Variants in DNAH7 observed in about 807,000 individuals in gnomAD.
DNAH7 encodes dynein axonemal heavy chain 7.
DNAH7 carries 397 observed loss-of-function variants against 444.6 expected under a neutral mutation model. The ratio of observed to expected loss-of-function variants is 0.89; its 90% CI spans 0.82 to 0.97. DNAH7 has a LOEUF of 0.97. Ranked by LOEUF, DNAH7 falls within the 50% of genes least tolerant of loss-of-function variation. DNAH7 has a pLI of 0.00. For missense variants in DNAH7, 4,902 were observed against 4,800.8 expected (o/e 1.02, Z -0.62); for synonymous variants, 1,636 against 1,624.4 (o/e 1.01, Z -0.17).
chr2:195,898,380 TAA>T (rs1686465827), intron 28 of DNAH7, among the ~76,000 whole-genome samples: 1 of 152,092 alleles, frequency 6.6e-6, no homozygotes, highest in Non-Finnish European at 1.5e-5. Flanking sequence ...GATAAATTTT[TAA>T]GTTTTTCTTC....
intron 17 of DNAH7, among the ~76,000 whole-genome samples, chr2:195,963,000 C>T (rs1490589450): frequency 6.6e-6 from 1 of 152,170 alleles, no homozygotes; most frequent in Admixed American, 6.5e-5. Flanking sequence ...ACCACATTTT[C>T]TTTATCTATT....
Position 195,923,825 on chromosome 2 carries a change from A to G in DNAH7, c.3613-18T>C, listed in dbSNP as rs1341647806. 12 of 1,607,332 alleles carry G rather than the reference A, an allele frequency of 7.5e-6. No homozygotes were observed. Among genetic ancestry groups the G allele is most frequent in the Non-Finnish European group, 1.0e-5 (12 of 1,174,254 alleles). On this transcript the variant is annotated intron_variant, in intron 22 of 64. Transcript: ENST00000312428. ...TCAAGAGCCTGAAAGAAAAGAAAAT[A>G]AGATATGATTTCCCAATGTGATCAA...
intron 12 of DNAH7, among the ~76,000 whole-genome samples, chr2:195,990,838 CAT>C (rs1368517374): frequency 2.4e-5 from 3 of 122,578 alleles, no homozygotes; most frequent in African/African-American, 3.2e-5. Flanking sequence ...AATATATATA[CAT>C]ATATATACTT....
chr2:195,815,379 G>T (rs1034731859), intron 51 of DNAH7, among the ~76,000 whole-genome samples: 1 of 151,814 alleles, frequency 6.6e-6, no homozygotes, highest in Admixed American at 6.6e-5. Context: ...TCAAAGTGTC[G>T]GACTCACACC....
chr2:195,798,794 C>T (rs757375709), intron 55 of DNAH7, among the ~76,000 whole-genome samples: 13 of 152,014 alleles, frequency 8.6e-5, no homozygotes, highest in Non-Finnish European at 1.9e-4. Context: ...GATCTGCCCG[C>T]CTCGGCCTCC....
chr2:195,828,121 G>T (rs1312803760), intron 48 of DNAH7, among the ~76,000 whole-genome samples: 1 of 152,062 alleles, frequency 6.6e-6, no homozygotes, highest in East Asian at 1.9e-4. Flanking sequence ...ATCTCTTGGA[G>T]ATAAGAACTG....
chr2:195,839,196 A>C (rs1424621237), intron 47 of DNAH7, among the ~76,000 whole-genome samples: 1 of 151,894 alleles, frequency 6.6e-6, no homozygotes, highest in African/African-American at 2.4e-5. Context: ...ATAAATTTGA[A>C]ATTAAAAACA....
chr2:196,018,967 A>T (rs1519607), intron 9 of DNAH7, among the ~76,000 whole-genome samples: 1 of 151,868 alleles, frequency 6.6e-6, no homozygotes, highest in Admixed American at 6.6e-5. Context: ...TCAAAAAATT[A>T]AAAAATTTAA....
chr2:195,925,722 A>G (rs1046215587), intron 22 of DNAH7, among the ~76,000 whole-genome samples: 5 of 152,200 alleles, frequency 3.3e-5, no homozygotes, highest in African/African-American at 1.2e-4. Flanking sequence ...GACATTTCAA[A>G]TTCCATGTCA....
intron 21 of DNAH7, among the ~76,000 whole-genome samples, chr2:195,927,227 AAC>A (rs928788449): frequency 7.9e-5 from 12 of 152,176 alleles, no homozygotes; most frequent in African/African-American, 2.9e-4. Flanking sequence ...ATCGGTGGGA[AAC>A]ACACTAGTCT....
chr2:195,761,204 A>C (rs1694332722), intron 61 of DNAH7, among the ~76,000 whole-genome samples: 1 of 152,088 alleles, frequency 6.6e-6, no homozygotes, highest in South Asian at 2.1e-4. Context: ...TAATATGCTG[A>C]ATAATGCATC....
chr2:195,938,385 C>CACACACAA (rs1553569475), intron 19 of DNAH7, among the ~76,000 whole-genome samples: 3 of 148,710 alleles, frequency 2.0e-5, no homozygotes, highest in African/African-American at 7.5e-5. Flanking sequence ...CACACACAAA[C>CACACACAA]ACACACAGCA....
intron 33 of DNAH7, 83 bp from the exon 34 acceptor site, chr2:195,886,355 ATTTAAT>A: frequency 7.8e-7 from 1 of 1,288,756 alleles, no homozygotes; most frequent in Non-Finnish European, 1.1e-6. Context: ...TATTAAGCTC[ATTTAAT>A]TTTAACAGGT....
At chr2:195,744,933 T>C (rs1265986411) in intron 63 of DNAH7, among the ~76,000 whole-genome samples, 1 of 152,176 alleles carries the variant, frequency 6.6e-6, no homozygotes, top group African/African-American at 2.4e-5. Flanking sequence ...CTGGAAACTT[T>C]AAAAAGCAGA....
intron 57 of DNAH7, among the ~76,000 whole-genome samples, chr2:195,792,160 C>A (rs1356108437): frequency 1.3e-5 from 1 of 77,450 alleles, no homozygotes; most frequent in African/African-American, 5.2e-5. Context: ...GAGTGAGACC[C>A]TGTCTCAAAA....
chr2:195,748,406 C>A (rs1693561734), intron 63 of DNAH7, among the ~76,000 whole-genome samples: 1 of 152,202 alleles, frequency 6.6e-6, no homozygotes, highest in South Asian at 2.1e-4. Context: ...AATGGCTGTA[C>A]TGCCCAAGGT....
intron 19 of DNAH7, among the ~76,000 whole-genome samples, chr2:195,953,823 A>T (rs1690436254): frequency 6.6e-6 from 1 of 152,238 alleles, no homozygotes. Flanking sequence ...GGAACTCCTA[A>T]GAATGAAGGC....
chr2:195,900,156 G>C (rs1686611727), intron 28 of DNAH7, 126 bp downstream of exon 28: 1 of 974,668 alleles, frequency 1.0e-6, no homozygotes, highest in African/African-American at 1.6e-5. Flanking sequence ...ATACATTTTT[G>C]GTTTAATAAT....
Position 195,777,901 on chromosome 2 carries a change from G to A in DNAH7, c.10963C>T (p.Leu3655=), listed in dbSNP as rs777777533. ...RVTDDWDRRT[L]RSILNKFFNP... is the part of the protein sequence containing the mutation. The stretch of plus-strand genomic sequence containing the variant: ...AAGAATTTGTTTAGAATGCTGCGCA[G>A]CGTGCGCCGGTCCCAGTCATCGGTC... The change falls in exon 59 of 65, where the codon CTG becomes TTG. Residue 3655 remains leucine, a synonymous_variant. Coordinates refer to ENST00000312428, the MANE Select transcript of DNAH7 (RefSeq NM_018897.3). 4 of 1,614,186 alleles carry A rather than the reference G, an allele frequency of 2.5e-6. No homozygotes were observed. The highest frequency in any genetic ancestry group is 2.2e-5 in the South Asian group (2 of 91,080).
Sources: gnomAD v4.1 joint callset for allele counts (sites outside exome capture counted in the v4.1 genomes callset) on GRCh38, gnomAD v4.1.1 for gene constraint, MANE v1.5 for transcripts, NCBI Gene and HGNC (gene_info 2026-07-23, HGNC 2026-07-21) for gene names.